Variants in KHDRBS2 observed in about 807,000 individuals in gnomAD.
The protein encoded by KHDRBS2 is KH domain-containing, RNA-binding, signal transduction-associated protein 2.
KHDRBS2 carries 26 observed loss-of-function variants against 44.3 expected under a neutral mutation model. The observed-to-expected ratio is 0.59, with a 90% CI of 0.43 to 0.81. KHDRBS2 has a LOEUF of 0.81. Among genes scored for constraint, KHDRBS2 ranks in the 40% least tolerant of loss-of-function variants. KHDRBS2 has a pLI of 0.00. For synonymous variants in KHDRBS2, 194 were observed against 151.1 expected, an observed-to-expected ratio of 1.28 and a Z score of -2.08; for missense variants, 476 against 433.1, an observed-to-expected ratio of 1.10 and a Z score of -0.88.
At chr6:61,901,465 G>T in intron 4 of KHDRBS2, 94 bp from the exon 5 acceptor site, 1 of 940,548 alleles carries the variant, frequency 1.1e-6, no homozygotes, top group South Asian at 1.8e-5. Flanking sequence ...AACGCAATAG[G>T]AAATAATTTT....
the KHDRBS2 span, among the ~76,000 whole-genome samples, chr6:61,555,879 G>A: frequency 1.1e-4 from 17 of 152,186 alleles, no homozygotes; most frequent in Admixed American, 1.3e-4. Flanking sequence ...ACTGAGGTTG[G>A]GAACCTGCTG....
intron 7 of KHDRBS2, among the ~76,000 whole-genome samples, chr6:61,711,992 T>C (rs1443996202): frequency 6.6e-6 from 1 of 151,826 alleles, no homozygotes; most frequent in Non-Finnish European, 1.5e-5. Flanking sequence ...CTGTACTCTG[T>C]TCTAGCTATG....
chr6:61,822,489 T>C (rs916583377), intron 6 of KHDRBS2, among the ~76,000 whole-genome samples: 4 of 152,018 alleles, frequency 2.6e-5, no homozygotes, highest in Non-Finnish European at 4.4e-5. Flanking sequence ...TTCAATGTTC[T>C]AATGTGGTTT....
chr6:61,729,864 T>C (rs979963312), intron 7 of KHDRBS2, among the ~76,000 whole-genome samples: 1 of 152,160 alleles, frequency 6.6e-6, no homozygotes, highest in Non-Finnish European at 1.5e-5. Flanking sequence ...TTTAGAAATA[T>C]ATGTTTTGCT....
chr6:61,815,868 T>C, intron 6 of KHDRBS2, among the ~76,000 whole-genome samples: 1 of 152,190 alleles, frequency 6.6e-6, no homozygotes, highest in Non-Finnish European at 1.5e-5. Context: ...TGAAAAGTCC[T>C]GATAAATGTA....
chr6:62,271,965 C>A (rs981594378), intron 1 of KHDRBS2, among the ~76,000 whole-genome samples: 2 of 152,038 alleles, frequency 1.3e-5, no homozygotes, highest in Non-Finnish European at 2.9e-5. Flanking sequence ...CAGTAATGTC[C>A]TCGACCTTCA....
intron 6 of KHDRBS2, among the ~76,000 whole-genome samples, chr6:61,888,252 C>T (rs1801265066): frequency 1.3e-5 from 2 of 152,136 alleles, no homozygotes; most frequent in South Asian, 2.1e-4. Context: ...AGATCCCAGA[C>T]CTAATTTCAG....
intron 6 of KHDRBS2, among the ~76,000 whole-genome samples, chr6:61,782,524 T>C: frequency 6.6e-6 from 1 of 151,772 alleles, no homozygotes; most frequent in East Asian, 1.9e-4. Flanking sequence ...ACAGATGAAT[T>C]AAAGTACTTT....
intron 6 of KHDRBS2, among the ~76,000 whole-genome samples, chr6:61,741,696 T>C (rs562815276): frequency 6.4e-4 from 98 of 152,030 alleles, no homozygotes; most frequent in African/African-American, 2.3e-3. Context: ...TTTCCTAAGT[T>C]CAACCTAACA....
intron 1 of KHDRBS2, among the ~76,000 whole-genome samples, chr6:62,245,548 AT>A (rs1469230266): frequency 6.6e-6 from 1 of 152,144 alleles, no homozygotes; most frequent in Non-Finnish European, 1.5e-5. Context: ...GGCCAGGATC[AT>A]CCCAAACAAT....
chr6:61,697,438 T>A (rs1165905074), intron 7 of KHDRBS2, among the ~76,000 whole-genome samples, 185 bp from the exon 8 acceptor site: 1 of 151,974 alleles, frequency 6.6e-6, no homozygotes. Context: ...GTGCTATGAT[T>A]TTTTTTAATG....
chr6:61,840,727 C>A (rs1424765021), intron 6 of KHDRBS2, among the ~76,000 whole-genome samples: 1 of 152,092 alleles, frequency 6.6e-6, no homozygotes, highest in Non-Finnish European at 1.5e-5. Context: ...ACGGTGAATC[C>A]TCAATGTTGC....
At chr6:62,057,690 G>C (rs1357039282) in intron 2 of KHDRBS2, among the ~76,000 whole-genome samples, 2 of 151,904 alleles carry the variant, frequency 1.3e-5, no homozygotes, top group Non-Finnish European at 2.9e-5. Context: ...TTAAGGCTTA[G>C]CAGAGTGAAC....
intron 1 of KHDRBS2, among the ~76,000 whole-genome samples, chr6:62,189,095 C>T (rs1240799020): frequency 1.3e-5 from 2 of 150,828 alleles, no homozygotes; most frequent in African/African-American, 2.4e-5. Flanking sequence ...CCAGCCTGAG[C>T]GACAGAGCAA....
chr6:62,022,097 A>G (rs1477742086), intron 3 of KHDRBS2, among the ~76,000 whole-genome samples: 1 of 151,110 alleles, frequency 6.6e-6, no homozygotes, highest in Non-Finnish European at 1.5e-5. Flanking sequence ...GTATTAGGAA[A>G]GCTCTTGATA....
chr6:62,154,088 C>T (rs983180922), intron 2 of KHDRBS2, among the ~76,000 whole-genome samples: 3 of 152,038 alleles, frequency 2.0e-5, no homozygotes, highest in Non-Finnish European at 2.9e-5. Flanking sequence ...CCAGACAAGA[C>T]AAAATGGGGA....
chr6:62,285,769 G>C (rs1256914119), intron 1 of KHDRBS2, 89 bp downstream of exon 1: 2 of 816,548 alleles, frequency 2.4e-6, no homozygotes, highest in East Asian at 2.8e-5. Flanking sequence ...GCGGGGAGAG[G>C]AGTCCCTCCC....
intron 2 of KHDRBS2, among the ~76,000 whole-genome samples, chr6:62,123,239 T>A (rs1808120271): frequency 6.6e-6 from 1 of 152,154 alleles, no homozygotes; most frequent in African/African-American, 2.4e-5. Context: ...CATCCTTTTT[T>A]ATGGCTGCAT....
At chr6:61,848,718 C>T (rs1444895223) in intron 6 of KHDRBS2, among the ~76,000 whole-genome samples, 2 of 148,154 alleles carry the variant, frequency 1.3e-5, no homozygotes, top group Non-Finnish European at 3.0e-5. Flanking sequence ...TGGCCTACCT[C>T]GAAATACTGC....
Sources: allele counts gnomAD v4.1 joint callset (sites outside exome capture counted in the v4.1 genomes callset), GRCh38; gene constraint gnomAD v4.1.1; transcripts MANE v1.5; gene names NCBI Gene and HGNC (gene_info 2026-07-23, HGNC 2026-07-21).